The following DDX10 variants were observed in gnomAD, a reference collection of about 807,000 sequenced individuals.
The protein encoded by DDX10 is probable ATP-dependent RNA helicase DDX10.
In DDX10, 74 loss-of-function variants were observed where a neutral mutation model predicts 104.3. The ratio of observed to expected loss-of-function variants is 0.71; its 90% CI spans 0.59 to 0.86. DDX10 has a LOEUF of 0.86. Ranked by LOEUF, DDX10 falls within the 40% of genes least tolerant of loss-of-function variation. DDX10 has a pLI of 0.00. For synonymous variants in DDX10, 351 were observed against 353.4 expected, an observed-to-expected ratio of 0.99 and a Z score of 0.08; for missense variants, 952 against 1,040.0, an observed-to-expected ratio of 0.92 and a Z score of 1.16.
At chr11:108,678,639 G>A (rs995090263) in intron 5 of DDX10, among the ~76,000 whole-genome samples, 3 of 152,034 alleles carry the variant, frequency 2.0e-5, no homozygotes, top group East Asian at 1.9e-4. Flanking sequence ...ATGTATGTAC[G>A]CTTATATGTG....
At chr11:108,903,031 C>T (rs1016265595) in intron 16 of DDX10, among the ~76,000 whole-genome samples, 17 of 152,082 alleles carry the variant, frequency 1.1e-4, no homozygotes, top group African/African-American at 3.9e-4. Flanking sequence ...AACTACAATC[C>T]CAGCTGTATA....
rs1864096266 is a variant in DDX10 at position 108,940,542 on chromosome 11, T to C, written c.*119T>C. ...ATATGCCCCATTCCCAAAGGGCACA[T>C]TTCTGGATAGAAGCGATCGTATCTC... is the stretch of plus-strand genomic sequence containing the variant. On this transcript the variant is annotated 3_prime_UTR_variant, in exon 18 of 18. Coordinates refer to ENST00000322536, the MANE Select transcript of DDX10 (RefSeq NM_004398.4). 9.2e-6 allele frequency: 9 copies of C among 980,014 alleles called. No homozygotes were observed. The highest frequency in any genetic ancestry group is 1.3e-5 in the Non-Finnish European group (9 of 671,252). The allele number at this position is 980,014 out of a possible 1,614,324, so 60.7% of individuals were successfully genotyped here.
intron 1 of DDX10, among the ~76,000 whole-genome samples, chr11:108,667,380 C>T (rs1178639896): frequency 6.6e-6 from 1 of 152,104 alleles, no homozygotes; most frequent in Non-Finnish European, 1.5e-5. Flanking sequence ...ATTTTACTGC[C>T]GATTAGAACC....
chr11:108,824,742 T>G (rs1203265069), intron 13 of DDX10, among the ~76,000 whole-genome samples: 1 of 152,238 alleles, frequency 6.6e-6, no homozygotes, highest in Non-Finnish European at 1.5e-5. Flanking sequence ...TTCATAATTT[T>G]GTTAAACAGC....
chr11:108,840,348 A>G (rs1862619833), intron 14 of DDX10, among the ~76,000 whole-genome samples: 1 of 152,208 alleles, frequency 6.6e-6, no homozygotes, highest in South Asian at 2.1e-4. Flanking sequence ...ATTTGCTGGC[A>G]GGTTAATTAG....
At chr11:108,862,119 A>G (rs1229394109) in intron 16 of DDX10, among the ~76,000 whole-genome samples, 2 of 152,162 alleles carry the variant, frequency 1.3e-5, no homozygotes, top group South Asian at 2.1e-4. Flanking sequence ...CCTGAGCTCA[A>G]GCAGTCCTCC....
At chr11:108,924,374 G>A (rs1863880686) in intron 17 of DDX10, among the ~76,000 whole-genome samples, 1 of 152,126 alleles carries the variant, frequency 6.6e-6, no homozygotes, top group Non-Finnish European at 1.5e-5. Flanking sequence ...AGTTTGTACT[G>A]AGGCTATTGT....
chr11:108,723,593 C>A, intron 13 of DDX10, 131 bp downstream of exon 13: 1 of 855,354 alleles, frequency 1.2e-6, no homozygotes, highest in Non-Finnish European at 1.7e-6. Context: ...AACTCTTCCT[C>A]CTTTCCCCCA....
intron 13 of DDX10, among the ~76,000 whole-genome samples, chr11:108,831,952 T>C (rs1862479050): frequency 6.6e-6 from 1 of 152,172 alleles, no homozygotes; most frequent in South Asian, 2.1e-4. Flanking sequence ...ACTTTCCTTT[T>C]AGCTTTTTAA....
At chr11:108,917,789 A>T in intron 16 of DDX10, 84 bp from the exon 17 acceptor site, 5 of 1,351,224 alleles carry the variant, frequency 3.7e-6, no homozygotes, top group Non-Finnish European at 5.1e-6. Flanking sequence ...AATTAGAGGG[A>T]TATCCATTGG....
chr11:108,848,787 A>G (rs936768786), intron 15 of DDX10, among the ~76,000 whole-genome samples: 2 of 152,076 alleles, frequency 1.3e-5, no homozygotes, highest in Non-Finnish European at 2.9e-5. Context: ...TATTAGGTTG[A>G]TGGTGAGTAG....
intron 17 of DDX10, among the ~76,000 whole-genome samples, chr11:108,929,110 G>T (rs779150969): frequency 3.9e-5 from 6 of 152,154 alleles, no homozygotes; most frequent in Non-Finnish European, 8.8e-5. Context: ...CATAATTTAG[G>T]CATTTGATAA....
chr11:108,766,068 G>A (rs985132872), intron 13 of DDX10, among the ~76,000 whole-genome samples: 8 of 152,112 alleles, frequency 5.3e-5, no homozygotes, highest in Admixed American at 3.9e-4. Context: ...GATTTGGGTA[G>A]ATTTCCCATA....
At chr11:108,817,155 C>G (rs1288863924) in intron 13 of DDX10, among the ~76,000 whole-genome samples, 1 of 152,166 alleles carries the variant, frequency 6.6e-6, no homozygotes, top group Non-Finnish European at 1.5e-5. Context: ...AAGAACTTAT[C>G]AACATAAACA....
chr11:108,916,395 T>C (rs1046601340), intron 16 of DDX10, among the ~76,000 whole-genome samples: 7 of 152,014 alleles, frequency 4.6e-5, no homozygotes, highest in Admixed American at 6.5e-5. Context: ...TCAATTTCTT[T>C]CCAGACCTTT....
At chr11:108,839,687 C>T (rs1862609606) in intron 14 of DDX10, among the ~76,000 whole-genome samples, 1 of 152,096 alleles carries the variant, frequency 6.6e-6, no homozygotes, top group South Asian at 2.1e-4. Flanking sequence ...ATGTATAAAT[C>T]AGACGAAAAG....
intron 13 of DDX10, among the ~76,000 whole-genome samples, chr11:108,820,520 A>G (rs566227410): frequency 7.0e-4 from 106 of 152,320 alleles, no homozygotes; most frequent in Admixed American, 3.5e-3. Context: ...CTTTTAGAAT[A>G]AGTGGCCGGT....
chr11:108,665,080 A>C lies in DDX10; in HGVS notation c.-74A>C, dbSNP rs1413847703. The stretch of plus-strand genomic sequence containing the variant: ...GCATGCGCCTCTGTGCGTTTGTCCC[A>C]TGCTGGTTCCGTGAGTCTGGCCTTA... On this transcript the variant is annotated 5_prime_UTR_variant, in exon 1 of 18. An upstream start codon of the reference 5' UTR is lost. Coordinates refer to ENST00000322536, the MANE Select transcript of DDX10 (RefSeq NM_004398.4). The C allele has an allele frequency of 8.9e-6, 13 of 1,468,064 alleles. No homozygotes were observed. The highest frequency in any genetic ancestry group is 4.4e-5 in the South Asian group (3 of 68,130). 90.9% of individuals were successfully genotyped at this position (1,468,064 alleles called of 1,614,324 possible). A position where few individuals can be genotyped will look rare whatever the true frequency, so the allele number is the denominator to read the frequency against.
chr11:108,889,777 T>C (rs959166257), intron 16 of DDX10, among the ~76,000 whole-genome samples: 1 of 152,298 alleles, frequency 6.6e-6, no homozygotes, highest in East Asian at 1.9e-4. Flanking sequence ...GAGCCAAGAA[T>C]GAAAAACAAG....
Sources: allele counts gnomAD v4.1 joint callset (sites outside exome capture counted in the v4.1 genomes callset), GRCh38; gene constraint gnomAD v4.1.1; transcripts MANE v1.5; gene names NCBI Gene and HGNC (gene_info 2026-07-23, HGNC 2026-07-21).